GALNT18: variants seen among roughly 807,000 people sequenced by gnomAD.
GALNT18 encodes the protein polypeptide N-acetylgalactosaminyltransferase 18, also known as GalNAc-transferase 18.
In GALNT18, 44 loss-of-function variants were observed where a neutral mutation model predicts 69.5. The observed-to-expected ratio is 0.63, with a 90% CI of 0.50 to 0.81. GALNT18 has a LOEUF of 0.81. Among genes scored for constraint, GALNT18 ranks in the 40% least tolerant of loss-of-function variants. The pLI, the probability that GALNT18 is intolerant of heterozygous loss-of-function variation, is 0.00. For synonymous variants in GALNT18, 364 were observed against 318.2 expected (o/e 1.14, Z -1.53); for missense variants, 715 against 810.0 (o/e 0.88, Z 1.42).
chr11:11,409,883 T>A (rs1854688023), intron 3 of GALNT18, among the ~76,000 whole-genome samples: 1 of 152,200 alleles, frequency 6.6e-6, no homozygotes, highest in Non-Finnish European at 1.5e-5. Flanking sequence ...CTGCTATCTA[T>A]GTAAACAAAG....
rs1008835163 is a variant in GALNT18 at position 11,586,015 on chromosome 11, C to T, written c.235+35344G>A. Among the ~76,000 whole-genome samples, 6 of 152,154 alleles carry T rather than the reference C, an allele frequency of 3.9e-5. No individual in the cohort carries two copies. The highest frequency in any genetic ancestry group is 7.3e-5 in the Non-Finnish European group (5 of 68,032). On this transcript the variant is annotated intron_variant, in intron 1 of 10. Coordinates refer to ENST00000227756, the MANE Select transcript of GALNT18 (RefSeq NM_198516.3). This position sits in a 1 kb window ranked among gnomAD's most constrained non-coding sequence, Gnocchi z 4.1. Reference sequence around the variant, plus strand: ...AGCCCAGAGAGCTTTCTTATCTCTTCCACCATGTTAGGATGGAACAAGAAC... The same window carrying T: ...AGCCCAGAGAGCTTTCTTATCTCTTTCACCATGTTAGGATGGAACAAGAAC...
intron 1 of GALNT18, among the ~76,000 whole-genome samples, chr11:11,513,914 A>T (rs974026100): frequency 6.6e-6 from 1 of 152,216 alleles, no homozygotes; most frequent in Non-Finnish European, 1.5e-5. Flanking sequence ...AAAAAGGCAC[A>T]AGGCTTGAAT....
intron 6 of GALNT18, among the ~76,000 whole-genome samples, chr11:11,365,361 G>A (rs2133086675): frequency 6.6e-6 from 1 of 152,294 alleles, no homozygotes; most frequent in South Asian, 2.1e-4. Context: ...ATTCCATGGT[G>A]TATATGTACC....
In GALNT18 at chr11:11,621,559, G is replaced by C; in HGVS notation, c.35C>G (p.Ser12Cys). Residue 12 changes from serine (S) to cysteine (C), a missense_variant, in exon 1 of 11, where the codon TCC (serine) becomes TGC (cysteine). Ser to Cys is a moderately radical substitution (Grantham distance 112). Transcript: ENST00000227756. The surrounding 1 kb of genome is among the most constrained non-coding windows in gnomAD (Gnocchi z 9.3). ...VCTRKTKTLV[S>C]TCVILSGMTN... The stretch of plus-strand genomic sequence containing the variant: ...CATGCCGCTCAGGATCACGCAAGTG[G>C]ACACCAAAGTTTTGGTCTTCCTGGT... 1 of 1,612,412 alleles carries C rather than the reference G, an allele frequency of 6.2e-7. No individual in the cohort carries two copies. The highest frequency in any genetic ancestry group is 2.2e-5 in the East Asian group (1 of 44,770).
At chr11:11,553,685 C>G (rs565891406) in intron 1 of GALNT18, among the ~76,000 whole-genome samples, 2 of 152,052 alleles carry the variant, frequency 1.3e-5, no homozygotes, top group South Asian at 4.1e-4. Context: ...CAAGCTCCCC[C>G]CCAGCACCCC....
chr11:11,593,262 T>A (rs1369924717), intron 1 of GALNT18, among the ~76,000 whole-genome samples: 1 of 152,160 alleles, frequency 6.6e-6, no homozygotes, highest in Non-Finnish European at 1.5e-5. Context: ...CCCTGTTCTA[T>A]CATAACAAAC....
At chr11:11,292,909 C>A in intron 10 of GALNT18, 120 bp downstream of exon 10, 1 of 903,286 alleles carries the variant, frequency 1.1e-6, no homozygotes, top group Non-Finnish European at 1.5e-6. Flanking sequence ...CACAGCCTCA[C>A]TACTGCCAGT....
chr11:11,311,943 G>A (rs564170532), intron 9 of GALNT18, among the ~76,000 whole-genome samples: 17 of 152,284 alleles, frequency 1.1e-4, no homozygotes, highest in Middle Eastern at 3.4e-3. Flanking sequence ...TCCCCATGCC[G>A]TTGGAAATCC....
chr11:11,588,444 T>C (rs1245266504), intron 1 of GALNT18, among the ~76,000 whole-genome samples: 3 of 152,186 alleles, frequency 2.0e-5, no homozygotes, highest in African/African-American at 7.2e-5. Flanking sequence ...GGAATAATGT[T>C]ACACCTTGAT....
intron 3 of GALNT18, among the ~76,000 whole-genome samples, chr11:11,392,798 A>T (rs997811037): frequency 1.3e-5 from 2 of 152,142 alleles, no homozygotes; most frequent in Non-Finnish European, 2.9e-5. Context: ...CATCTTTTTA[A>T]ATTTTATTTT....
intron 3 of GALNT18, among the ~76,000 whole-genome samples, chr11:11,386,329 T>A (rs907078748): frequency 6.6e-6 from 1 of 152,118 alleles, no homozygotes; most frequent in East Asian, 1.9e-4. Flanking sequence ...CTGTCTCCCA[T>A]CCCCACTCCC....
chr11:11,601,736 ACAT>A lies in GALNT18; in HGVS notation c.235+19620_235+19622del, dbSNP rs1859639057. On this transcript the variant is annotated intron_variant, in intron 1 of 10. Coordinates refer to ENST00000227756, the MANE Select transcript of GALNT18 (RefSeq NM_198516.3). This position sits in a 1 kb window ranked among gnomAD's most constrained non-coding sequence, Gnocchi z 4.0. ...TTAAACTACAGTAAGTCCTCACTTA[ACAT>A]CATCAATAGATTCTTGGAAACTGTG... Among the ~76,000 whole-genome samples, 1 of 152,230 alleles carries A rather than the reference ACAT, an allele frequency of 6.6e-6. No individual in the cohort carries two copies. The highest frequency in any genetic ancestry group is 1.5e-5 in the Non-Finnish European group (1 of 68,044).
At position 11,617,253 on chromosome 11, in the gene GALNT18, AT is replaced by A. The variant is rs1860076620; in HGVS notation, c.235+4105del. Among the ~76,000 whole-genome samples the A allele has an allele frequency of 6.6e-6, 1 of 152,178 alleles. No homozygotes were observed. Among genetic ancestry groups the A allele is most frequent in the Non-Finnish European group, 1.5e-5 (1 of 68,030 alleles). ...TTTGTTGTACTCTCCTCTTTAACCA[AT>A]TTTTCTATTAACTAACTCAAGCCCT... On this transcript the variant is annotated intron_variant, in intron 1 of 10. Coordinates refer to ENST00000227756, the MANE Select transcript of GALNT18 (RefSeq NM_198516.3). The surrounding 1 kb of genome is among the most constrained non-coding windows in gnomAD (Gnocchi z 4.7).
intron 3 of GALNT18, among the ~76,000 whole-genome samples, chr11:11,379,809 A>T (rs1165992564): frequency 1.3e-5 from 2 of 152,200 alleles, no homozygotes; most frequent in Non-Finnish European, 2.9e-5. Flanking sequence ...AGCTGTGCCC[A>T]TGTGAGTAGC....
At chr11:11,277,148 T>C (rs1002987293) in intron 10 of GALNT18, among the ~76,000 whole-genome samples, 2 of 152,206 alleles carry the variant, frequency 1.3e-5, no homozygotes, top group African/African-American at 2.4e-5. Context: ...TCCTGGACTT[T>C]TTTTGGTGGG....
At chr11:11,326,263 C>T (rs1849916088) in intron 9 of GALNT18, among the ~76,000 whole-genome samples, 1 of 152,096 alleles carries the variant, frequency 6.6e-6, no homozygotes, top group Non-Finnish European at 1.5e-5. Context: ...CCAAGATGGT[C>T]TCGATCTCCT....
intron 6 of GALNT18, among the ~76,000 whole-genome samples, chr11:11,366,835 T>C (rs1450874555): frequency 1.3e-5 from 2 of 152,228 alleles, no homozygotes; most frequent in Non-Finnish European, 2.9e-5. Context: ...TATTGGTATT[T>C]TGCCAGGGCA....
At chr11:11,519,368 C>A (rs1160612391) in intron 1 of GALNT18, among the ~76,000 whole-genome samples, 1 of 152,168 alleles carries the variant, frequency 6.6e-6, no homozygotes, top group Non-Finnish European at 1.5e-5. Flanking sequence ...CTTCCAGGAG[C>A]CCAGCAAGAG....
At chr11:11,371,614 C>A (rs1000665558) in intron 6 of GALNT18, among the ~76,000 whole-genome samples, 1 of 152,018 alleles carries the variant, frequency 6.6e-6, no homozygotes, top group Non-Finnish European at 1.5e-5. Context: ...GAGGGTTCCC[C>A]ACGGAGAAGA....
Sources: allele counts gnomAD v4.1 joint callset (sites outside exome capture counted in the v4.1 genomes callset), GRCh38; gene constraint gnomAD v4.1.1; non-coding constraint Gnocchi (gnomAD v3.1); transcripts MANE v1.5; gene names NCBI Gene and HGNC (gene_info 2026-07-23, HGNC 2026-07-21).